Variants in MCEE observed in about 807,000 individuals in gnomAD.
The protein encoded by MCEE is methylmalonyl-CoA epimerase.
Under a neutral mutation model 12.9 loss-of-function variants are expected in MCEE, and 6 were observed. The ratio of observed to expected loss-of-function variants is 0.47; its 90% CI spans 0.26 to 0.92. MCEE has a LOEUF of 0.92. MCEE is among the 40% of genes least tolerant of loss of function. The pLI is 0.16. For missense variants in MCEE, 214 were observed against 212.1 expected, an observed-to-expected ratio of 1.01 and a Z score of -0.05; for synonymous variants, 78 against 77.9, an observed-to-expected ratio of 1.00 and a Z score of -0.01.
intron 1 of MCEE, among the ~76,000 whole-genome samples, chr2:71,129,099 T>C (rs1673306056): frequency 6.6e-6 from 1 of 152,168 alleles, no homozygotes; most frequent in Non-Finnish European, 1.5e-5. Context: ...AGGCAATCTT[T>C]GGAATACACT....
intron 2 of MCEE, among the ~76,000 whole-genome samples, chr2:71,120,021 C>A (rs139077698): frequency 2.7e-5 from 4 of 149,528 alleles, no homozygotes; most frequent in Non-Finnish European, 5.9e-5. Flanking sequence ...CCACTGCACT[C>A]CAGCATGGGT....
intron 2 of MCEE, among the ~76,000 whole-genome samples, chr2:71,112,542 T>A (rs1672909244): frequency 6.6e-6 from 1 of 150,712 alleles, no homozygotes; most frequent in Non-Finnish European, 1.5e-5. Flanking sequence ...TTCAAGCGAT[T>A]CTCCTGCCTC....
chr2:71,125,213 T>A (rs531025527), intron 1 of MCEE, among the ~76,000 whole-genome samples: 749 of 40,266 alleles, frequency 0.019, 12 homozygotes, highest in African/African-American at 0.028. Context: ...ATATATATAT[T>A]TTTTTTTTTT....
chr2:71,126,372 C>T (rs938004096), intron 1 of MCEE, among the ~76,000 whole-genome samples: 75 of 151,902 alleles, frequency 4.9e-4, no homozygotes, highest in African/African-American at 1.5e-3. Context: ...GTATTACAGG[C>T]GCATGCCACC....
chr2:71,114,195 G>T (rs1178851044), intron 2 of MCEE, among the ~76,000 whole-genome samples: 1 of 152,166 alleles, frequency 6.6e-6, no homozygotes, highest in Non-Finnish European at 1.5e-5. Context: ...GTGGAGGAGT[G>T]GGGGAAGGGA....
intron 1 of MCEE, among the ~76,000 whole-genome samples, chr2:71,129,492 A>C (rs1054422436): frequency 1.1e-5 from 1 of 94,708 alleles, no homozygotes; most frequent in African/African-American, 3.1e-5. Context: ...TAAAAGGAGG[A>C]AGAGAAAAAA....
intron 2 of MCEE, among the ~76,000 whole-genome samples, chr2:71,111,415 C>G (rs1672882790): frequency 6.6e-6 from 1 of 152,008 alleles, no homozygotes; most frequent in Admixed American, 6.6e-5. Context: ...TCTTCTGCTG[C>G]GTTAGGTGGG....
In MCEE at chr2:71,124,270, T is replaced by G; in HGVS notation, c.314A>C (p.Asp105Ala). ...CTGCAGAAAACCTGCAATTGGACTG[T>G]CACGTCCCAATGGATGAAGCAGTTC... is the stretch of plus-strand genomic sequence containing the variant. ...KMELLHPLGR[D>A]SPIAGFLQKN... The change falls in exon 2 of 3, where the codon GAC (aspartate) becomes GCC (alanine). Residue 105 changes from aspartate to alanine, a missense_variant. Asp to Ala is a moderately radical substitution (Grantham distance 126). Coordinates refer to ENST00000244217, the MANE Select transcript of MCEE (RefSeq NM_032601.4). 1 of 1,614,158 alleles carries G rather than the reference T, an allele frequency of 6.2e-7. No homozygotes were observed.
intron 2 of MCEE, among the ~76,000 whole-genome samples, chr2:71,115,836 T>G (rs1422493295): frequency 1.3e-5 from 2 of 148,538 alleles, no homozygotes; most frequent in African/African-American, 5.2e-5. Context: ...AAGGGGGGGA[T>G]AACAGTAAGA....
chr2:71,110,526 AAC>A (rs1375214862), intron 2 of MCEE, among the ~76,000 whole-genome samples: 1 of 152,224 alleles, frequency 6.6e-6, no homozygotes, highest in Non-Finnish European at 1.5e-5. Flanking sequence ...AAAATGAGGT[AAC>A]AGATAAAAAG....
intron 2 of MCEE, among the ~76,000 whole-genome samples, chr2:71,122,390 C>G (rs975523587): frequency 6.6e-6 from 1 of 152,204 alleles, no homozygotes; most frequent in Non-Finnish European, 1.5e-5. Context: ...CCACCTTGGC[C>G]TCCCAAAGTG....
rs530739510 is a variant in MCEE at position 71,128,117 on chromosome 2, G to A, written c.40+2063C>T. On this transcript the variant is annotated intron_variant, in intron 1 of 2. Coordinates refer to ENST00000244217, the MANE Select transcript of MCEE (RefSeq NM_032601.4). Reference sequence around the variant, plus strand: ...TGATCAATTTTTTTTATTCATTACAGTAAGTAAACAGATTACATTTCTGTT... The same window carrying A: ...TGATCAATTTTTTTTATTCATTACAATAAGTAAACAGATTACATTTCTGTT... Among the ~76,000 whole-genome samples the A allele has an allele frequency of 7.9e-5, 12 of 152,072 alleles. No homozygotes were observed. The East Asian group carries it at 1.7e-3, about 22-fold the overall frequency.
At position 71,110,141 on chromosome 2, in the gene MCEE, A is replaced by T; in HGVS notation, c.379-19T>A. 2 of 1,607,700 alleles carry T rather than the reference A, an allele frequency of 1.2e-6. No individual in the cohort carries two copies. The highest frequency in any genetic ancestry group is 1.7e-6 in the Non-Finnish European group (2 of 1,174,750). ...TATCCACCTTAAGAAAGGGAAATAA[A>T]TTGAACACATTTGAGATCATAAAAA... On this transcript the variant is annotated intron_variant, in intron 2 of 2. Coordinates refer to ENST00000244217, the MANE Select transcript of MCEE (RefSeq NM_032601.4).
intron 1 of MCEE, among the ~76,000 whole-genome samples, chr2:71,128,984 CAAA>C (rs11342174): frequency 6.5e-5 from 7 of 107,564 alleles, no homozygotes; most frequent in Admixed American, 2.0e-4. Context: ...GACTCTGTCT[CAAA>C]AAAAAAAAAA....
chr2:71,122,790 G>T lies in MCEE; in HGVS notation c.378+1416C>A, dbSNP rs374978967. On this transcript the variant is annotated intron_variant, in intron 2 of 2. Transcript: ENST00000244217. Reference sequence around the variant, plus strand: ...GTCGAGGCATAAGCCACCACACCCAGCCACTAAGTGTTAGCTGTTATGATA... The same window carrying T: ...GTCGAGGCATAAGCCACCACACCCATCCACTAAGTGTTAGCTGTTATGATA... 2.0e-5 allele frequency among the ~76,000 whole-genome samples: 3 copies of T among 152,322 alleles called. No individual in the cohort carries two copies. The East Asian group carries it at 5.8e-4, about 29-fold the overall frequency.
At chr2:71,129,247 G>A (rs1290444995) in intron 1 of MCEE, among the ~76,000 whole-genome samples, 1 of 152,142 alleles carries the variant, frequency 6.6e-6, no homozygotes, top group Non-Finnish European at 1.5e-5. Flanking sequence ...TCATTAAAGT[G>A]TGCAGTTCTA....
intron 1 of MCEE, 109 bp downstream of exon 1, chr2:71,130,071 G>T (rs1673336246): frequency 4.4e-6 from 5 of 1,123,600 alleles, no homozygotes; most frequent in Non-Finnish European, 6.6e-6. Flanking sequence ...GCCCCCGGGG[G>T]AGGACATTAG....
chr2:71,122,794 C>T (rs1157339272), intron 2 of MCEE, among the ~76,000 whole-genome samples: 2 of 152,234 alleles, frequency 1.3e-5, no homozygotes, highest in Non-Finnish European at 2.9e-5. Flanking sequence ...CACCCAGCCA[C>T]TAAGTGTTAG....
chr2:71,125,625 A>G (rs920279840), intron 1 of MCEE, among the ~76,000 whole-genome samples: 2 of 151,982 alleles, frequency 1.3e-5, no homozygotes, highest in Non-Finnish European at 2.9e-5. Context: ...TTATAGGTGT[A>G]AGCCACCATT....
Sources: gnomAD v4.1 joint callset for allele counts (sites outside exome capture counted in the v4.1 genomes callset) on GRCh38, gnomAD v4.1.1 for gene constraint, MANE v1.5 for transcripts, NCBI Gene and HGNC (gene_info 2026-07-23, HGNC 2026-07-21) for gene names.